PI15: variants seen among roughly 807,000 people sequenced by gnomAD.
PI15 encodes 25 kDa trypsin inhibitor.
A neutral mutation model predicts 31.0 loss-of-function variants in PI15; 18 were observed. The ratio of observed to expected loss-of-function variants is 0.58; its 90% confidence interval spans 0.40 to 0.86. The LOEUF (loss-of-function observed/expected upper bound fraction) is 0.86, where lower values mean the gene tolerates loss of function less well. Among genes scored for constraint, PI15 ranks in the 40% least tolerant of loss-of-function variants. PI15 has a pLI of 0.00. For synonymous variants in PI15, 118 were observed against 119.1 expected, an observed-to-expected ratio of 0.99 and a Z score of 0.06; for missense variants, 282 against 328.1, an observed-to-expected ratio of 0.86 and a Z score of 1.09.
intron 2 of PI15, among the ~76,000 whole-genome samples, chr8:74,841,006 A>C (rs887259618): frequency 6.6e-6 from 1 of 152,150 alleles, no homozygotes; most frequent in Non-Finnish European, 1.5e-5. Context: ...TTTTTAGTTT[A>C]TCTTTTTGAC....
chr8:74,833,618 C>A (rs1008009606), intron 2 of PI15, among the ~76,000 whole-genome samples: 1 of 152,064 alleles, frequency 6.6e-6, no homozygotes, highest in African/African-American at 2.4e-5. Context: ...ATAATAATAG[C>A]CACCATTAAA....
Position 74,852,816 on chromosome 8 carries a change from G to A in PI15, c.*3563G>A, listed in dbSNP as rs889001653. The A allele has an allele frequency of 2.6e-5, 4 of 152,046 alleles. No individual in the cohort carries two copies. The highest frequency in any genetic ancestry group is 9.7e-5 in the African/African-American group (4 of 41,426). 9.4% of individuals were successfully genotyped at this position (152,046 alleles called of 1,614,324 possible). Reference sequence around the variant, plus strand: ...AACATAATTTGAATGGGTCTATGAAGGAAAAATAATGCTTAGACTTTGGTG... The same window carrying A: ...AACATAATTTGAATGGGTCTATGAAAGAAAAATAATGCTTAGACTTTGGTG... On this transcript the variant is annotated 3_prime_UTR_variant, in exon 6 of 6. Coordinates refer to ENST00000260113, the MANE Select transcript of PI15 (RefSeq NM_015886.5).
At chr8:74,836,357 G>C (rs1373469801) in intron 2 of PI15, among the ~76,000 whole-genome samples, 1 of 152,156 alleles carries the variant, frequency 6.6e-6, no homozygotes, top group South Asian at 2.1e-4. Flanking sequence ...AGGAGTAGTT[G>C]ATTTGGAGGA....
rs750080586 is a variant in PI15, at chr8:74,825,344, C to T, written c.95C>T (p.Pro32Leu). 24 of 1,613,216 alleles carry T rather than the reference C, an allele frequency of 1.5e-5. No homozygotes were observed. The highest frequency in any genetic ancestry group is 8.8e-5 in the South Asian group (8 of 91,062). Residue 32 changes from proline (P) to leucine (L), a missense_variant, in exon 2 of 6, where the codon CCG becomes CTG. Transcript: ENST00000260113. ...VVLLNSTDSS[P>L]PTNNFTDIEA... is the part of the protein sequence containing the mutation. Reference sequence around the variant, plus strand: ...CTACTCAATTCCACTGACTCATCCCCGCCAACCAATAATTTCACTGATATT... The same window carrying T: ...CTACTCAATTCCACTGACTCATCCCTGCCAACCAATAATTTCACTGATATT...
Position 74,849,308 on chromosome 8 carries a change from T to C in PI15, c.*55T>C. 1 of 1,392,124 alleles carries C rather than the reference T, an allele frequency of 7.2e-7. No homozygotes were observed. Among genetic ancestry groups the C allele is most frequent in the Non-Finnish European group, 1.0e-6 (1 of 1,001,938 alleles). 86.2% of individuals were successfully genotyped at this position (1,392,124 alleles called of 1,614,324 possible). On this transcript the variant is annotated 3_prime_UTR_variant, in exon 6 of 6. Coordinates refer to ENST00000260113, the MANE Select transcript of PI15 (RefSeq NM_015886.5). ...ATTTCTGGGAACATGGGCATGTATATATATATATGGAGAGAGAATTTTGCA... is the reference window on the plus strand; with the variant it reads ...ATTTCTGGGAACATGGGCATGTATACATATATATGGAGAGAGAATTTTGCA...
chr8:74,844,380 A>G lies in PI15; in HGVS notation c.392+281A>G, dbSNP rs1810990015. 2.6e-5 allele frequency among the ~76,000 whole-genome samples: 4 copies of G among 151,170 alleles called. No homozygotes were observed. The South Asian group carries it at 8.3e-4, about 32-fold the overall frequency. On this transcript the variant is annotated intron_variant, in intron 3 of 5. Coordinates refer to ENST00000260113, the MANE Select transcript of PI15 (RefSeq NM_015886.5). ...TTAGAAAGGGTCAAGCCTGTGCTGT[A>G]TCTTGCCCCCTCCATCTCAGGAAAA...
intron 5 of PI15, among the ~76,000 whole-genome samples, chr8:74,848,086 T>A (rs1208692090): frequency 1.3e-5 from 2 of 152,220 alleles, no homozygotes; most frequent in African/African-American, 4.8e-5. Flanking sequence ...GTGGAGATTT[T>A]GGTTTATTAT....
intron 2 of PI15, among the ~76,000 whole-genome samples, chr8:74,833,204 T>TA (rs781762757): frequency 6.6e-6 from 1 of 152,136 alleles, no homozygotes. Flanking sequence ...TCCTGGCTTA[T>TA]AATTTTAATA....
intron 2 of PI15, among the ~76,000 whole-genome samples, chr8:74,840,274 C>T (rs1420519294): frequency 1.3e-5 from 2 of 152,068 alleles, no homozygotes; most frequent in Admixed American, 6.6e-5. Context: ...TTGAAATATA[C>T]ACTAGATTAT....
chr8:74,829,120 T>A (rs542490983), intron 2 of PI15, among the ~76,000 whole-genome samples: 1 of 152,266 alleles, frequency 6.6e-6, no homozygotes, highest in Non-Finnish European at 1.5e-5. Flanking sequence ...ATTTCTTGTG[T>A]ATAGAAAGTG....
intron 5 of PI15, chr8:74,845,736 A>C: frequency 2.1e-6 from 1 of 483,300 alleles, no homozygotes; most frequent in East Asian, 3.5e-5. Flanking sequence ...GGGCTCACTA[A>C]ATTCTCCTTA....
intron 2 of PI15, among the ~76,000 whole-genome samples, chr8:74,834,529 C>A (rs73689274): frequency 0.015 from 2,251 of 152,276 alleles, 56 homozygotes; most frequent in African/African-American, 0.051. Context: ...CCAGATGATG[C>A]CAGCATAAGC....
At chr8:74,844,692 A>T (rs1035610512) in intron 3 of PI15, among the ~76,000 whole-genome samples, 3 of 152,158 alleles carry the variant, frequency 2.0e-5, no homozygotes, top group Non-Finnish European at 4.4e-5. Context: ...ATAGGGAAGG[A>T]AAATCAACTG....
chr8:74,843,826 T>C (rs957809259), intron 2 of PI15, among the ~76,000 whole-genome samples, 155 bp from the exon 3 acceptor site: 15 of 151,562 alleles, frequency 9.9e-5, no homozygotes, highest in Admixed American at 9.9e-4. Flanking sequence ...GATTGCACCA[T>C]TGCACTCCAC....
Position 74,825,240 on chromosome 8 carries a change from A to ACC in PI15, c.-7_-6dup. The ACC allele has an allele frequency of 6.2e-7, 1 of 1,610,880 alleles. No homozygotes were observed. The highest frequency in any genetic ancestry group is 8.5e-7 in the Non-Finnish European group (1 of 1,178,026). ...TAAACTCGGTGGCCTCTTCTTCTCCACCCCTCAAAATGATAGCAATCTCTG... is the reference window on the plus strand; with the variant it reads ...TAAACTCGGTGGCCTCTTCTTCTCCACCCCCCTCAAAATGATAGCAATCTCTG... On this transcript the variant is annotated 5_prime_UTR_variant, in exon 2 of 6. Coordinates refer to ENST00000260113, the MANE Select transcript of PI15 (RefSeq NM_015886.5).
At position 74,847,252 on chromosome 8, in the gene PI15, C is replaced by G. The variant is rs13262311; in HGVS notation, c.641+1755C>G. On this transcript the variant is annotated intron_variant, in intron 5 of 5. Transcript: ENST00000260113. ...CCTGAGGTCAGGAGTTCAAGACCAG[C>G]CTGACCAACATGGCAAAACCCTGTC... 9.7e-3 allele frequency among the ~76,000 whole-genome samples: 1,471 copies of G among 152,096 alleles called. 14 individuals carry two copies. Among genetic ancestry groups the G allele is most frequent in the Non-Finnish European group, 0.014 (930 of 67,988 alleles).
At position 74,849,397 on chromosome 8, in the gene PI15, T is replaced by C; in HGVS notation, c.*144T>C. On this transcript the variant is annotated 3_prime_UTR_variant, in exon 6 of 6. Coordinates refer to ENST00000260113, the MANE Select transcript of PI15 (RefSeq NM_015886.5). ...TAGTATTCCTTTGTATAAATTAGTGTTTGTCTAGCATGTTTGTTTAATCCT... is the reference window on the plus strand; with the variant it reads ...TAGTATTCCTTTGTATAAATTAGTGCTTGTCTAGCATGTTTGTTTAATCCT... 4 of 559,026 alleles carry C rather than the reference T, an allele frequency of 7.2e-6. No individual in the cohort carries two copies. The highest frequency in any genetic ancestry group is 9.1e-6 in the Non-Finnish European group (3 of 329,958). The allele number at this position is 559,026 out of a possible 1,614,324, so 34.6% of individuals were successfully genotyped here.
At chr8:74,829,591 T>C (rs34968301) in intron 2 of PI15, among the ~76,000 whole-genome samples, 65,627 of 151,980 alleles carry the variant, frequency 0.43, 15,007 homozygotes, top group African/African-American at 0.56. Context: ...GAGGTCCCTC[T>C]ATGAGAGAAA....
intron 3 of PI15, among the ~76,000 whole-genome samples, chr8:74,844,418 G>T (rs1810990635): frequency 2.1e-5 from 3 of 143,712 alleles, no homozygotes; most frequent in Non-Finnish European, 4.5e-5. Flanking sequence ...CCCCATGACT[G>T]TGCAGAGGCT....
Sources: allele counts gnomAD v4.1 joint callset (sites outside exome capture counted in the v4.1 genomes callset), GRCh38; gene constraint gnomAD v4.1.1; transcripts MANE v1.5; gene names NCBI Gene and HGNC (gene_info 2026-07-23, HGNC 2026-07-21).